Variants in COXFA4 observed in about 807,000 individuals in gnomAD.
COXFA4 encodes the protein cytochrome c oxidase subunit FA4.
At chr7:10,937,154 C>T in the COXFA4 span, among the ~76,000 whole-genome samples, 1 of 152,210 alleles carries the variant, frequency 6.6e-6, no homozygotes, top group African/African-American at 2.4e-5. Flanking sequence ...ATAAATCAAA[C>T]AGCCAGTTAC....
the COXFA4 span, among the ~76,000 whole-genome samples, chr7:10,934,322 T>A: frequency 6.6e-6 from 1 of 151,502 alleles, no homozygotes; most frequent in Non-Finnish European, 1.5e-5. Flanking sequence ...TTCCAACATT[T>A]CTTTATAATC....
the COXFA4 span, among the ~76,000 whole-genome samples, chr7:10,937,009 C>T: frequency 6.6e-6 from 1 of 152,186 alleles, no homozygotes; most frequent in East Asian, 1.9e-4. Flanking sequence ...GCACTCCAGC[C>T]TGGGCGACAG....
At chr7:10,938,386 A>G in the COXFA4 span, 1 of 514,938 alleles carries the variant, frequency 1.9e-6, no homozygotes, top group Non-Finnish European at 3.4e-6. Context: ...CTTTCACAAA[A>G]CCTTTCCATT....
the COXFA4 span, among the ~76,000 whole-genome samples, chr7:10,934,468 A>G: frequency 6.6e-6 from 1 of 151,964 alleles, no homozygotes; most frequent in Non-Finnish European, 1.5e-5. Context: ...GGACATATTA[A>G]TGCTTGTACA....
chr7:10,939,123 A>G, the COXFA4 span: 1 of 454,720 alleles, frequency 2.2e-6, no homozygotes, highest in Non-Finnish European at 4.0e-6. Context: ...ACTCTGGTTT[A>G]AGTGTCTTAC....
the COXFA4 span, chr7:10,938,254 G>C: frequency 1.0e-6 from 1 of 958,716 alleles, no homozygotes; most frequent in South Asian, 1.4e-5. Flanking sequence ...TATTAGATGA[G>C]GTATGGTGTT....
chr7:10,939,796 T>C, the COXFA4 span: 5 of 648,656 alleles, frequency 7.7e-6, no homozygotes, highest in Admixed American at 7.7e-5. Context: ...TTCCGAGCAG[T>C]GTCCGTCTCC....
the COXFA4 span, chr7:10,938,447 T>A: frequency 2.3e-6 from 1 of 441,356 alleles, no homozygotes; most frequent in East Asian, 3.9e-5. Context: ...GATGAATCAA[T>A]CTTTTGATTG....
the COXFA4 span, chr7:10,940,065 G>T: frequency 6.2e-7 from 1 of 1,613,550 alleles, no homozygotes; most frequent in Non-Finnish European, 8.5e-7. Flanking sequence ...CATGTTTGCG[G>T]CAGAGGTCTC....
chr7:10,939,259 CTTGAAAAACAAATTCT>C, the COXFA4 span: 1 of 215,132 alleles, frequency 4.6e-6, no homozygotes, highest in Non-Finnish European at 9.5e-6. Flanking sequence ...TATCCTGGGG[CTTGAAAAACAAATTCT>C]TTGCAAATTA....
the COXFA4 span, chr7:10,937,765 G>A: frequency 1.8e-5 from 5 of 271,570 alleles, no homozygotes; most frequent in Non-Finnish European, 2.8e-5. Context: ...GAATCTCTGG[G>A]GATAAGGCTG....
chr7:10,940,022 A>C, the COXFA4 span: 1 of 1,613,926 alleles, frequency 6.2e-7, no homozygotes, highest in Non-Finnish European at 8.5e-7. Context: ...TTACGCTCGG[A>C]TGCTTCTTGG....
the COXFA4 span, chr7:10,940,108 A>T: frequency 1.6e-4 from 247 of 1,583,502 alleles, 2 homozygotes; most frequent in East Asian, 5.3e-3. Flanking sequence ...CCTAGCCACC[A>T]GGCCCTAAGC....
chr7:10,937,943 T>C, the COXFA4 span: 1 of 672,968 alleles, frequency 1.5e-6, no homozygotes, highest in African/African-American at 1.8e-5. Context: ...CAATATACCA[T>C]TTTCATTTCA....
the COXFA4 span, chr7:10,939,106 T>G: frequency 2.0e-6 from 1 of 496,118 alleles, no homozygotes; most frequent in Admixed American, 3.3e-5. Context: ...GAAAGGATGT[T>G]AAGATGACTC....
At chr7:10,937,436 C>A in the COXFA4 span, among the ~76,000 whole-genome samples, 1 of 152,118 alleles carries the variant, frequency 6.6e-6, no homozygotes, top group Admixed American at 6.5e-5. Context: ...GTACCTACTA[C>A]CATGCCCAGC....
chr7:10,938,699 G>T, the COXFA4 span: 1 of 809,854 alleles, frequency 1.2e-6, no homozygotes, highest in Non-Finnish European at 2.2e-6. Flanking sequence ...TTGTATGACT[G>T]TAAATGTAAC....
the COXFA4 span, among the ~76,000 whole-genome samples, chr7:10,935,615 TCTAA>T: frequency 2.0e-5 from 3 of 152,172 alleles, no homozygotes; most frequent in African/African-American, 7.2e-5. Context: ...GGTGGAACAC[TCTAA>T]CTAGTGCCTT....
the COXFA4 span, chr7:10,938,836 G>GC: frequency 2.5e-6 from 4 of 1,613,440 alleles, no homozygotes; most frequent in Non-Finnish European, 3.4e-6. Context: ...AATGCCAGAC[G>GC]CAAGAGATAC....
Sources: gnomAD v4.1 joint callset for allele counts (sites outside exome capture counted in the v4.1 genomes callset) on GRCh38, gnomAD v4.1.1 for gene constraint, MANE v1.5 for transcripts, NCBI Gene and HGNC (gene_info 2026-07-23, HGNC 2026-07-21) for gene names.